NUP210L: variants seen among roughly 807,000 people sequenced by gnomAD.
The protein encoded by NUP210L is nucleoporin 210 like.
Under a neutral mutation model 208.5 loss-of-function variants are expected in NUP210L, and 74 were observed. That is an observed-to-expected ratio of 0.35 (90% CI 0.29 to 0.43). The LOEUF (loss-of-function observed/expected upper bound fraction) is 0.43. Ranked by LOEUF, NUP210L falls within the 20% of genes least tolerant of loss-of-function variation. The pLI is 1.00. For synonymous variants in NUP210L, 780 were observed against 816.9 expected (o/e 0.95, Z 0.77); for missense variants, 1,843 against 2,289.4 (o/e 0.81, Z 3.98).
chr1:154,025,634 G>A, exon 30 of NUP210L: 1 of 1,613,888 alleles, frequency 6.2e-7, no homozygotes, highest in Non-Finnish European at 8.5e-7. Flanking sequence ...CCAGCTTTCA[G>A]GAGCCCTTCA....
chr1:154,030,918 A>G (rs1298572849), intron 27 of NUP210L, among the ~76,000 whole-genome samples: 1 of 151,944 alleles, frequency 6.6e-6, no homozygotes, highest in Non-Finnish European at 1.5e-5. Context: ...ATTTAAAAAA[A>G]ATTCTTTTTT....
At chr1:154,103,113 G>A (rs936111405) in intron 13 of NUP210L, among the ~76,000 whole-genome samples, 4 of 150,732 alleles carry the variant, frequency 2.7e-5, no homozygotes, top group African/African-American at 9.9e-5. Flanking sequence ...ATAAAAACTG[G>A]CTGGGCGCAG....
chr1:154,091,636 G>A (rs1306354439), intron 15 of NUP210L, among the ~76,000 whole-genome samples: 2 of 151,042 alleles, frequency 1.3e-5, no homozygotes, highest in Admixed American at 1.3e-4. Context: ...AAGTAGCTGA[G>A]ATTACAGGTG....
At chr1:154,143,065 G>A (rs1658936555) in intron 3 of NUP210L, among the ~76,000 whole-genome samples, 1 of 151,992 alleles carries the variant, frequency 6.6e-6, no homozygotes, top group Admixed American at 6.6e-5. Flanking sequence ...GCGCAGGCCT[G>A]TAATCCCAGC....
exon 36 of NUP210L, chr1:154,001,983 C>A (rs774345366): frequency 4.3e-6 from 7 of 1,611,342 alleles, no homozygotes; most frequent in Admixed American, 3.4e-5. Context: ...CAGACATAAA[C>A]CCCTGGAAAA....
chr1:154,023,172 G>A (rs765180961), exon 31 of NUP210L: 8 of 1,613,806 alleles, frequency 5.0e-6, no homozygotes, highest in Middle Eastern at 1.6e-4. Flanking sequence ...ATTTCTCTCC[G>A]ATACTATTAT....
At chr1:154,127,323 G>A in exon 9 of NUP210L, 1 of 1,548,004 alleles carries the variant, frequency 6.5e-7, no homozygotes, top group Non-Finnish European at 8.9e-7. Context: ...CTGAAATATA[G>A]ACCTTTGTGC....
At chr1:154,122,103 C>T (rs1001946626) in intron 10 of NUP210L, among the ~76,000 whole-genome samples, 5 of 152,020 alleles carry the variant, frequency 3.3e-5, no homozygotes, top group African/African-American at 1.2e-4. Flanking sequence ...AATAAGGGGA[C>T]ATCACTACAG....
At chr1:154,113,165 A>ATATATAT (rs34236591) in intron 12 of NUP210L, among the ~76,000 whole-genome samples, 27 of 126,290 alleles carry the variant, frequency 2.1e-4, no homozygotes, top group Admixed American at 7.9e-4. Context: ...CTTAAAAAAA[A>ATATATAT]AAATATATAT....
exon 1 of NUP210L, chr1:154,155,024 T>A: frequency 6.2e-7 from 1 of 1,609,242 alleles, no homozygotes. Context: ...GGCGTCTTGA[T>A]GACGCCGGAC....
rs781242352 is a variant in NUP210L, at chr1:154,056,825, C to T, written c.3230G>A (p.Arg1077Gln). 1.2e-5 allele frequency: 19 copies of T among 1,579,082 alleles called. No homozygotes were observed. The highest frequency in any genetic ancestry group is 1.7e-4 in the Middle Eastern group (1 of 5,974). The change falls in exon 23 of 40, where the codon CGG becomes CAG. Residue 1077 changes from arginine to glutamine, a missense_variant. Physicochemically the swap from Arg to Gln is conservative, Grantham distance 43. Around this residue, in one of 5 missense-constraint regions of NUP210L, gnomAD observed 781 missense variants for 973.8 expected, o/e 0.80. Transcript: ENST00000368559. The stretch of plus-strand genomic sequence containing the variant: ...AGATAATTTCCTTACTTCAATGTGC[C>T]GAGGAGTTGATGTGTATTTTCTTCC...
chr1:154,118,920 A>G (rs1657470405), intron 10 of NUP210L, 112 bp from the exon 11 acceptor site: 2 of 525,436 alleles, frequency 3.8e-6, no homozygotes, highest in African/African-American at 3.8e-5. Flanking sequence ...TTACTCAACC[A>G]GTTTCTATCT....
At chr1:154,032,509 T>TGGTAGG (rs1386636353) in intron 27 of NUP210L, among the ~76,000 whole-genome samples, 1 of 151,906 alleles carries the variant, frequency 6.6e-6, no homozygotes, top group Non-Finnish European at 1.5e-5. Flanking sequence ...TTTTTTTTTT[T>TGGTAGG]GGTAGGGGTG....
intron 7 of NUP210L, among the ~76,000 whole-genome samples, chr1:154,134,080 G>A (rs1658390129): frequency 6.6e-6 from 1 of 150,466 alleles, no homozygotes; most frequent in African/African-American, 2.5e-5. Flanking sequence ...AACCTGGGAG[G>A]CGGAGGTGGG....
chr1:154,149,404 A>G (rs1298805240), intron 2 of NUP210L, among the ~76,000 whole-genome samples: 3 of 152,096 alleles, frequency 2.0e-5, no homozygotes, highest in Non-Finnish European at 1.5e-5. Context: ...TTTTCAATAT[A>G]AGGCCATTGA....
chr1:154,054,722 G>T, intron 24 of NUP210L, 48 bp downstream of exon 24: 1 of 1,255,276 alleles, frequency 8.0e-7, no homozygotes, highest in Non-Finnish European at 1.2e-6. Context: ...GAGAGAGAGA[G>T]AGGTAAGGAG....
chr1:154,104,449 T>G, intron 12 of NUP210L: 1 of 482,788 alleles, frequency 2.1e-6, no homozygotes, highest in Admixed American at 3.5e-5. Flanking sequence ...AAGAAAAGAG[T>G]CTAGAATTGC....
intron 27 of NUP210L, among the ~76,000 whole-genome samples, chr1:154,032,549 G>A (rs1652290448): frequency 6.6e-6 from 1 of 151,584 alleles, no homozygotes; most frequent in Non-Finnish European, 1.5e-5. Context: ...CACCCAGGCT[G>A]GAGTGCAGTG....
At chr1:154,084,038 CT>C (rs34861266) in intron 16 of NUP210L, among the ~76,000 whole-genome samples, 56 of 103,608 alleles carry the variant, frequency 5.4e-4, no homozygotes, top group South Asian at 2.1e-3. Context: ...CTTTTCCTTT[CT>C]TTTTTTTTTT....
Sources: gnomAD v4.1 joint callset for allele counts (sites outside exome capture counted in the v4.1 genomes callset) on GRCh38, gnomAD v4.1.1 for gene constraint, gnomAD v4.1.1 regional missense constraint, MANE v1.5 for transcripts, NCBI Gene and HGNC (gene_info 2026-07-23, HGNC 2026-07-21) for gene names.